Variants in ROCK1 observed in about 807,000 individuals in gnomAD.
The protein encoded by ROCK1 is Rho associated coiled-coil containing protein kinase 1, also known as rho-associated protein kinase 1.
In ROCK1, 36 loss-of-function variants were observed where a neutral mutation model predicts 196.8. That is an observed-to-expected ratio of 0.18 (90% CI 0.14 to 0.24). The LOEUF (loss-of-function observed/expected upper bound fraction) is 0.24. Among genes scored for constraint, ROCK1 ranks in the 10% least tolerant of loss-of-function variants. The pLI, the probability that ROCK1 is intolerant of heterozygous loss-of-function variation, is 1.00. For synonymous variants in ROCK1, 443 were observed against 515.9 expected, an observed-to-expected ratio of 0.86 and a Z score of 1.91; for missense variants, 920 against 1,562.0, an observed-to-expected ratio of 0.59 and a Z score of 6.93.
chr18:21,007,436 C>T (rs917168658), intron 14 of ROCK1, among the ~76,000 whole-genome samples: 1 of 152,054 alleles, frequency 6.6e-6, no homozygotes. Flanking sequence ...GCATTCATTA[C>T]CTTTATGTTT....
chr18:20,969,056 G>C, intron 24 of ROCK1, 59 bp downstream of exon 24: 1 of 1,153,040 alleles, frequency 8.7e-7, no homozygotes, highest in Non-Finnish European at 1.3e-6. Flanking sequence ...ACACAACATA[G>C]GTAAAGATAA....
Position 21,042,763 on chromosome 18 carries a change from T to C in ROCK1, c.676-54A>G. On this transcript the variant is annotated intron_variant, in intron 6 of 32. Transcript: ENST00000399799. ...ATTAGGATATAAAGTCTCAATTATT[T>C]AAAATGACTTTCTTATTAATATTAC... 2.0e-6 allele frequency: 3 copies of C among 1,513,958 alleles called. No individual in the cohort carries two copies. In the Admixed American group the frequency reaches 6.3e-5, roughly 32 times the overall value. 93.8% of individuals were successfully genotyped at this position (1,513,958 alleles called of 1,614,324 possible).
chr18:21,083,922 G>C (rs2036503865), intron 1 of ROCK1, among the ~76,000 whole-genome samples: 1 of 152,086 alleles, frequency 6.6e-6, no homozygotes. Context: ...TGTTGTTCAA[G>C]GGTCAATTGT....
intron 4 of ROCK1, 108 bp downstream of exon 4, chr18:21,048,984 T>A: frequency 2.1e-6 from 2 of 939,302 alleles, no homozygotes; most frequent in Non-Finnish European, 2.9e-6. Context: ...GACAATTTTG[T>A]AACTGCCAGT....
intron 9 of ROCK1, among the ~76,000 whole-genome samples, chr18:21,031,604 C>CAA (rs781463990): frequency 0.029 from 1,517 of 51,490 alleles, 69 homozygotes; most frequent in African/African-American, 0.099. Flanking sequence ...GACTCCATCT[C>CAA]AAAAAAAAAA....
At chr18:21,094,526 C>A (rs930161236) in intron 1 of ROCK1, among the ~76,000 whole-genome samples, 1 of 151,308 alleles carries the variant, frequency 6.6e-6, no homozygotes, top group Non-Finnish European at 1.5e-5. Context: ...ATCATTAAGC[C>A]GAGGAGTTTG....
At chr18:21,049,068 A>G (rs1257526283) in intron 4 of ROCK1, 24 bp downstream of exon 4, 1 of 1,551,288 alleles carries the variant, frequency 6.4e-7, no homozygotes, top group East Asian at 2.3e-5. Context: ...ATGCAGCAAT[A>G]ATGAAAGAGT....
chr18:21,073,879 G>A (rs956830467), intron 1 of ROCK1, among the ~76,000 whole-genome samples: 8 of 152,178 alleles, frequency 5.3e-5, no homozygotes, highest in Admixed American at 3.9e-4. Flanking sequence ...TAGGCCAGAT[G>A]CTGTGGCTCA....
chr18:21,007,037 C>T (rs2143438556), intron 14 of ROCK1, among the ~76,000 whole-genome samples: 1 of 152,130 alleles, frequency 6.6e-6, no homozygotes, highest in East Asian at 1.9e-4. Flanking sequence ...CTCCTTTATT[C>T]CCTTTATAAG....
intron 2 of ROCK1, among the ~76,000 whole-genome samples, chr18:21,062,003 A>G (rs1217490070): frequency 6.6e-6 from 1 of 152,216 alleles, no homozygotes; most frequent in Non-Finnish European, 1.5e-5. Context: ...AAACACGTTT[A>G]ACATGTGTAC....
In ROCK1 at chr18:21,049,778, A is replaced by T. The variant is rs1459228165; in HGVS notation, c.276+2T>A. 6.5e-7 allele frequency: 1 copy of T among 1,533,560 alleles called. No individual in the cohort carries two copies. The allele number at this position is 1,533,560 out of a possible 1,614,324, so 95.0% of individuals were successfully genotyped here. A position where few individuals can be genotyped will look rare whatever the true frequency, so the allele number is the denominator to read the frequency against. On this transcript the variant is annotated splice_donor_variant, in intron 3 of 32. Transcript: ENST00000399799. LOFTEE classifies it high-confidence loss of function. ...TTTTGTATTCTCATTAAAATAACCT[A>T]CCAATTGAACTTCTCCAAATGCACC...
rs2035837393 is a variant in ROCK1, at chr18:21,013,605, T to A, written c.1410+1826A>T. Among the ~76,000 whole-genome samples, 3 of 151,788 alleles carry A rather than the reference T, an allele frequency of 2.0e-5. No individual in the cohort carries two copies. The South Asian group carries it at 6.2e-4, about 32-fold the overall frequency. ...AAGTGTAGATTCCCCACATGGTCAC[T>A]GCTACGCTGTCTGGGGAGAGAAAGA... On this transcript the variant is annotated intron_variant, in intron 13 of 32. Transcript: ENST00000399799.
chr18:20,953,969 A>G (rs1439681977), intron 31 of ROCK1, among the ~76,000 whole-genome samples, 184 bp from the exon 32 acceptor site: 1 of 152,102 alleles, frequency 6.6e-6, no homozygotes, highest in Non-Finnish European at 1.5e-5. Flanking sequence ...AAAATTAGTC[A>G]AACTAATAAA....
intron 2 of ROCK1, among the ~76,000 whole-genome samples, chr18:21,059,683 C>G (rs183130166): frequency 6.6e-6 from 1 of 152,146 alleles, no homozygotes; most frequent in East Asian, 1.9e-4. Flanking sequence ...AATTCCACTT[C>G]TAGGTATCTA....
At chr18:21,104,850 C>T (rs2036690248) in intron 1 of ROCK1, among the ~76,000 whole-genome samples, 1 of 152,162 alleles carries the variant, frequency 6.6e-6, no homozygotes, top group South Asian at 2.1e-4. Flanking sequence ...AACAAATAAA[C>T]AGTCTCTAAA....
intron 21 of ROCK1, among the ~76,000 whole-genome samples, chr18:20,982,441 G>A (rs563651608): frequency 2.6e-5 from 4 of 152,146 alleles, no homozygotes; most frequent in South Asian, 2.1e-4. Flanking sequence ...TAGTAGAGAC[G>A]GGGTTTCACC....
intron 16 of ROCK1, among the ~76,000 whole-genome samples, chr18:21,004,098 A>G (rs2035748997): frequency 6.6e-6 from 1 of 152,190 alleles, no homozygotes; most frequent in Non-Finnish European, 1.5e-5. Flanking sequence ...AACTTTCCCT[A>G]TAATCAATTG....
At position 20,966,852 on chromosome 18, in the gene ROCK1, GA is replaced by G. The variant is rs2035378368; in HGVS notation, c.3352+64del. Reference sequence around the variant, plus strand: ...ATGACAAGGAGGTAGAAAACCAAATGAAAGAAATATACACTAATTTCCATGA... The same window carrying G: ...ATGACAAGGAGGTAGAAAACCAAATGAAGAAATATACACTAATTTCCATGA... On this transcript the variant is annotated intron_variant, in intron 27 of 32. Coordinates refer to ENST00000399799, the MANE Select transcript of ROCK1 (RefSeq NM_005406.3). 9 of 1,308,378 alleles carry G rather than the reference GA, an allele frequency of 6.9e-6. No individual in the cohort carries two copies. In the Admixed American group the frequency reaches 1.8e-4, roughly 26 times the overall value. 81.0% of individuals were successfully genotyped at this position (1,308,378 alleles called of 1,614,324 possible). A position where few individuals can be genotyped will look rare whatever the true frequency, so the allele number is the denominator to read the frequency against.
At chr18:21,022,932 ATAC>A (rs763924953) in intron 11 of ROCK1, among the ~76,000 whole-genome samples, 1 of 152,156 alleles carries the variant, frequency 6.6e-6, no homozygotes, top group African/African-American at 2.4e-5. Flanking sequence ...ATTTTAATAT[ATAC>A]TACAACATGG....
Sources: gnomAD v4.1 joint callset for allele counts (sites outside exome capture counted in the v4.1 genomes callset) on GRCh38, gnomAD v4.1.1 for gene constraint, MANE v1.5 for transcripts, NCBI Gene and HGNC (gene_info 2026-07-23, HGNC 2026-07-21) for gene names.